The following CCDC149 variants were observed in gnomAD, a reference collection of about 807,000 sequenced individuals.
The protein encoded by CCDC149 is coiled-coil domain containing 149, also known as coiled-coil domain-containing protein 149.
In CCDC149, 45 loss-of-function variants were observed where a neutral mutation model predicts 59.9. The ratio of observed to expected loss-of-function variants is 0.75; its 90% confidence interval spans 0.59 to 0.96. The LOEUF is 0.96. CCDC149 is among the 40% of genes least tolerant of loss of function. The pLI, the probability that CCDC149 is intolerant of heterozygous loss-of-function variation, is 0.00. For missense variants in CCDC149, 584 were observed against 664.7 expected, an observed-to-expected ratio of 0.88 and a Z score of 1.33; for synonymous variants, 245 against 260.6, an observed-to-expected ratio of 0.94 and a Z score of 0.58.
chr4:24,898,079 A>G (rs567105568), intron 1 of CCDC149, among the ~76,000 whole-genome samples: 1 of 152,312 alleles, frequency 6.6e-6, no homozygotes, highest in Admixed American at 6.5e-5. Flanking sequence ...TCTGCGCCCC[A>G]TCAATATGAT....
Position 24,808,471 on chromosome 4 carries a change from C to G in CCDC149, c.1541G>C (p.Arg514Pro), listed in dbSNP as rs189457604. 1 of 1,471,212 alleles carries G rather than the reference C, an allele frequency of 6.8e-7. No homozygotes were observed. The highest frequency in any genetic ancestry group is 9.0e-7 in the Non-Finnish European group (1 of 1,111,162). 91.1% of individuals were successfully genotyped at this position (1,471,212 alleles called of 1,614,324 possible). ...CGGTGTGGAAGCTTTGGCTGCTGGC[C>G]GGCTGGCCTCGAAGGAGTCCAGGTG... The change falls in exon 13 of 13, where the codon CGG becomes CCG. Residue 514 changes from arginine (R) to proline (P), a missense_variant. By Grantham distance (103) the Arg-to-Pro change is moderately radical. Coordinates refer to ENST00000635206, the MANE Select transcript of CCDC149 (RefSeq NM_001330643.2).
chr4:24,840,621 G>T (rs893657379), intron 4 of CCDC149, among the ~76,000 whole-genome samples: 1 of 152,040 alleles, frequency 6.6e-6, no homozygotes, highest in South Asian at 2.1e-4. Context: ...TCACATTTTT[G>T]TGCTTTTCAC....
In CCDC149 at chr4:24,938,859, C is replaced by A. The variant is rs564055480; in HGVS notation, c.-65+41210G>T. ...GCGAGGCTGGGTGAGGGGCGCCCGC[C>A]ATTGCTCAGGCTTGAGTAGGTAAAC... is the stretch of plus-strand genomic sequence containing the variant. On this transcript the variant is annotated intron_variant, in intron 1 of 12. Transcript: ENST00000389609. Among the ~76,000 whole-genome samples the A allele has an allele frequency of 3.9e-5, 6 of 152,342 alleles. No homozygotes were observed. The South Asian group carries it at 1.2e-3, about 32-fold the overall frequency.
intron 1 of CCDC149, among the ~76,000 whole-genome samples, chr4:24,935,966 G>A (rs1722728558): frequency 6.6e-6 from 1 of 152,180 alleles, no homozygotes; most frequent in African/African-American, 2.4e-5. Flanking sequence ...TGAGTAAGCA[G>A]AAGTAACAAG....
At chr4:24,961,880 C>T (rs1723643010) in intron 1 of CCDC149, among the ~76,000 whole-genome samples, 1 of 151,910 alleles carries the variant, frequency 6.6e-6, no homozygotes, top group Admixed American at 6.6e-5. Flanking sequence ...TAGGCAATAC[C>T]ATTCAGGACA....
At chr4:24,877,516 A>C (rs1354419689) in intron 1 of CCDC149, among the ~76,000 whole-genome samples, 1 of 152,104 alleles carries the variant, frequency 6.6e-6, no homozygotes, top group Non-Finnish European at 1.5e-5. Context: ...AAAAATGCCC[A>C]AAAAGTTATT....
intron 2 of CCDC149, 117 bp from the exon 3 acceptor site, chr4:24,873,836 C>G: frequency 1.4e-6 from 1 of 712,158 alleles, no homozygotes; most frequent in South Asian, 1.7e-5. Flanking sequence ...CCCCACCCTG[C>G]AGCCAGTAAT....
intron 1 of CCDC149, chr4:24,895,163 G>A (rs899522922): frequency 2.6e-6 from 2 of 756,746 alleles, no homozygotes; most frequent in Admixed American, 2.0e-5. Flanking sequence ...GATACTGGAA[G>A]TCAGAATAAT....
intron 1 of CCDC149, among the ~76,000 whole-genome samples, chr4:24,929,169 T>C (rs545019452): frequency 1.3e-5 from 2 of 152,240 alleles, no homozygotes; most frequent in African/African-American, 4.8e-5. Flanking sequence ...AATGTGCTGG[T>C]TTATGACTTC....
At chr4:24,879,267 G>C (rs1478114411) in intron 1 of CCDC149, among the ~76,000 whole-genome samples, 1 of 152,098 alleles carries the variant, frequency 6.6e-6, no homozygotes, top group African/African-American at 2.4e-5. Context: ...TGTAATCCCA[G>C]CACTTTGGGA....
intron 3 of CCDC149, among the ~76,000 whole-genome samples, chr4:24,872,372 T>C (rs1375496509): frequency 6.6e-6 from 1 of 152,162 alleles, no homozygotes; most frequent in Non-Finnish European, 1.5e-5. Flanking sequence ...CAGAATGGCA[T>C]GCAGCCACCA....
chr4:24,885,861 T>C (rs2695226), intron 1 of CCDC149, among the ~76,000 whole-genome samples: 5,084 of 152,300 alleles, frequency 0.033, 125 homozygotes, highest in East Asian at 0.099. Flanking sequence ...TTTTTGAATA[T>C]CTACTATGTG....
chr4:24,833,882 T>C (rs1396201369), intron 8 of CCDC149, among the ~76,000 whole-genome samples: 1 of 152,206 alleles, frequency 6.6e-6, no homozygotes, highest in African/African-American at 2.4e-5. Context: ...AGATTGTTGA[T>C]AGAATGCTTT....
In CCDC149 at chr4:24,833,667, T is replaced by C. The variant is rs116007485; in HGVS notation, c.820+1281A>G. Among the ~76,000 whole-genome samples, 628 of 152,330 alleles carry C rather than the reference T, an allele frequency of 4.1e-3. 8 individuals are homozygous for C. Among genetic ancestry groups the C allele is most frequent in the African/African-American group, 0.014 (581 of 41,574 alleles). ...ATTTAACACTGCTGGACATTTACTG[T>C]GTTTTCATGTAGAATTATTTAACTA... is the stretch of plus-strand genomic sequence containing the variant. On this transcript the variant is annotated intron_variant, in intron 8 of 12. Transcript: ENST00000635206.
intron 9 of CCDC149, among the ~76,000 whole-genome samples, chr4:24,824,165 A>G (rs1715578111): frequency 6.6e-6 from 1 of 152,198 alleles, no homozygotes; most frequent in Non-Finnish European, 1.5e-5. Flanking sequence ...CTGAAGAGAT[A>G]TTGGGTTATA....
At chr4:24,880,188 T>C (rs1719753679) in intron 1 of CCDC149, among the ~76,000 whole-genome samples, 1 of 152,270 alleles carries the variant, frequency 6.6e-6, no homozygotes, top group African/African-American at 2.4e-5. Flanking sequence ...TTTCTATGTT[T>C]AGATACGTTT....
At chr4:24,960,377 A>T (rs1465258971) in intron 1 of CCDC149, among the ~76,000 whole-genome samples, 1 of 152,148 alleles carries the variant, frequency 6.6e-6, no homozygotes, top group East Asian at 1.9e-4. Context: ...CACAGAAAAT[A>T]CTCAGTCCCA....
Position 24,960,527 on chromosome 4 carries a change from A to G in CCDC149, c.-65+19542T>C, listed in dbSNP as rs902733799. ...TGCCTACAAAAGAAGTACATTTAAT[A>G]TAGACACAAATGTAATAAAAGTAAA... On this transcript the variant is annotated intron_variant, in intron 1 of 12. Coordinates refer to the CCDC149 transcript ENST00000389609. 3.9e-5 allele frequency among the ~76,000 whole-genome samples: 6 copies of G among 152,222 alleles called. No homozygotes were observed. The South Asian group carries it at 1.0e-3, about 26-fold the overall frequency.
upstream of CCDC149, among the ~76,000 whole-genome samples, chr4:24,914,410 A>G (rs896365045): frequency 2.0e-5 from 3 of 152,082 alleles, no homozygotes; most frequent in Non-Finnish European, 2.9e-5. Context: ...AAAAAGAAAA[A>G]AAAAGGCTTT....
Sources: allele counts gnomAD v4.1 joint callset (sites outside exome capture counted in the v4.1 genomes callset), GRCh38; gene constraint gnomAD v4.1.1; transcripts MANE v1.5; gene names NCBI Gene and HGNC (gene_info 2026-07-23, HGNC 2026-07-21).